The following TTC19 variants were observed in gnomAD, a reference collection of about 807,000 sequenced individuals.
The protein encoded by TTC19 is tetratricopeptide repeat protein 19, mitochondrial.
A neutral mutation model predicts 49.5 loss-of-function variants in TTC19; 38 were observed. The ratio of observed to expected loss-of-function variants is 0.77; its 90% CI spans 0.59 to 1.01. The LOEUF is 1.01. Ranked by LOEUF, TTC19 falls within the 50% of genes least tolerant of loss-of-function variation. TTC19 has a pLI of 0.00. For synonymous variants in TTC19, 204 were observed against 185.2 expected (o/e 1.10, Z -0.83); for missense variants, 475 against 477.7 (o/e 0.99, Z 0.05).
In TTC19 at chr17:16,002,830, A is replaced by AT; in HGVS notation, c.462dup (p.Ala155CysfsTer2). The AT allele has an allele frequency of 6.2e-7, 1 of 1,613,972 alleles. No homozygotes were observed. The highest frequency in any genetic ancestry group is 8.5e-7 in the Non-Finnish European group (1 of 1,179,882). ...GCATTTATACGGGGTCAGCTTGAAA[A>AT]TGTAAGTAAATTGCTTTGTAATATC... On this transcript the variant is annotated frameshift_variant and splice_region_variant, in exon 4 of 10. Coordinates refer to ENST00000261647, the MANE Select transcript of TTC19 (RefSeq NM_017775.4). LOFTEE classifies it high-confidence loss of function.
intron 2 of TTC19, among the ~76,000 whole-genome samples, chr17:16,038,124 T>TA (rs916172145): frequency 1.3e-5 from 2 of 152,152 alleles, no homozygotes; most frequent in African/African-American, 4.8e-5. Context: ...CATAGTGAGA[T>TA]AGATCTTTTG....
At chr17:16,002,920 A>C in intron 4 of TTC19, 89 bp downstream of exon 4, 1 of 1,219,426 alleles carries the variant, frequency 8.2e-7, no homozygotes, top group Non-Finnish European at 1.2e-6. Context: ...AAGCTGCTAT[A>C]ACAAAGAGAC....
chr17:16,022,873 A>C (rs989213411), intron 7 of TTC19, among the ~76,000 whole-genome samples: 2 of 152,192 alleles, frequency 1.3e-5, no homozygotes, highest in Non-Finnish European at 2.9e-5. Flanking sequence ...AGAATCATTT[A>C]TGTTTGAAGA....
At chr17:16,019,505 T>C (rs1971308743) in intron 7 of TTC19, among the ~76,000 whole-genome samples, 1 of 152,256 alleles carries the variant, frequency 6.6e-6, no homozygotes, top group Non-Finnish European at 1.5e-5. Flanking sequence ...CCCTGTTTGC[T>C]TGCCAAACTG....
downstream of TTC19, chr17:16,030,791 CAT>C (rs1229059441): frequency 5.5e-6 from 1 of 182,264 alleles, no homozygotes; most frequent in Non-Finnish European, 1.2e-5. Flanking sequence ...TCATCTGTAA[CAT>C]AGGGATTAGA....
Position 16,026,555 on chromosome 17 carries a change from A to G in TTC19, c.847A>G (p.Ser283Gly). The stretch of plus-strand genomic sequence containing the variant: ...TTACATACAGACCATTGTGCTGATG[A>G]GTGACCTGGCTACTACCCTGGATGC... ...ERHPQTIVLM[S>G]DLATTLDAQG... The change falls in exon 9 of 10, where the codon AGT becomes GGT. Residue 283 changes from serine to glycine, a missense_variant. Coordinates refer to ENST00000261647, the MANE Select transcript of TTC19 (RefSeq NM_017775.4). The G allele has an allele frequency of 3.7e-6, 6 of 1,614,144 alleles. No individual in the cohort carries two copies. Among genetic ancestry groups the G allele is most frequent in the Non-Finnish European group, 5.1e-6 (6 of 1,179,998 alleles).
rs59177775 is a variant in TTC19, at chr17:16,028,818, CAAA to C, written c.*1322_*1324del. The C allele has an allele frequency of 6.8e-3, 666 of 97,810 alleles. No individual in the cohort carries two copies. The highest frequency in any genetic ancestry group is 0.031 in the Middle Eastern group (7 of 228). The allele number at this position is 97,810 out of a possible 1,614,324, so 6.1% of individuals were successfully genotyped here. ...GTATCCCAGTAATCTTTGCATTTCT[CAAA>C]AAAAAAAAAAAAAAAAAAAAAAAAA... is the stretch of plus-strand genomic sequence containing the variant. On this transcript the variant is annotated 3_prime_UTR_variant, in exon 10 of 10. Transcript: ENST00000261647.
At chr17:16,038,659 A>G (rs540691902) in intron 2 of TTC19, among the ~76,000 whole-genome samples, 2 of 152,038 alleles carry the variant, frequency 1.3e-5, no homozygotes, top group East Asian at 3.9e-4. Flanking sequence ...GCTGGTCTCA[A>G]ACTCCTGAGC....
At chr17:16,034,388 A>G (rs1349628524), downstream of TTC19, among the ~76,000 whole-genome samples, 6 of 152,136 alleles carry the variant, frequency 3.9e-5, no homozygotes, top group African/African-American at 7.2e-5. Flanking sequence ...CAGGAGTTCG[A>G]GACCAGCCTG....
intron 6 of TTC19, 50 bp from the exon 7 acceptor site, chr17:16,006,424 A>G (rs774480842): frequency 1.5e-6 from 2 of 1,371,218 alleles, no homozygotes; most frequent in South Asian, 2.3e-5. Context: ...AGAAGGAAGA[A>G]AAAAAAAAGA....
chr17:16,041,504 C>T (rs1478951494), intron 2 of TTC19, among the ~76,000 whole-genome samples: 1 of 147,610 alleles, frequency 6.8e-6, no homozygotes, highest in East Asian at 2.0e-4. Context: ...ACCTCTGCCT[C>T]CTGGGTTCAA....
chr17:16,004,032 C>G (rs755755485), intron 5 of TTC19, 145 bp downstream of exon 5: 3 of 1,143,706 alleles, frequency 2.6e-6, no homozygotes, highest in Non-Finnish European at 3.9e-6. Flanking sequence ...AATTGCCATT[C>G]TTTCACTAAA....
At chr17:16,044,837 G>T in exon 3 of TTC19, 1 of 1,042,646 alleles carries the variant, frequency 9.6e-7, no homozygotes. Flanking sequence ...TCCAGCAGCT[G>T]GTGCTGCACC....
intron 7 of TTC19, among the ~76,000 whole-genome samples, chr17:16,011,102 C>T (rs1971055154): frequency 6.6e-6 from 1 of 152,220 alleles, no homozygotes; most frequent in Non-Finnish European, 1.5e-5. Context: ...CATAAGCTTT[C>T]CCAGTATTCT....
intron 7 of TTC19, among the ~76,000 whole-genome samples, chr17:16,022,016 C>T (rs543684658): frequency 6.6e-6 from 1 of 152,224 alleles, no homozygotes; most frequent in African/African-American, 2.4e-5. Context: ...TCTCCCTGTG[C>T]CTGTGGTCGG....
At chr17:16,009,217 C>T (rs1179574415) in intron 7 of TTC19, among the ~76,000 whole-genome samples, 1 of 152,234 alleles carries the variant, frequency 6.6e-6, no homozygotes, top group East Asian at 1.9e-4. Context: ...CACTTCTGAA[C>T]TATTTACACC....
intron 2 of TTC19, among the ~76,000 whole-genome samples, chr17:16,035,530 C>CTTTT (rs966987249): frequency 5.1e-5 from 6 of 118,328 alleles, no homozygotes; most frequent in Admixed American, 1.7e-4. Flanking sequence ...TTCTCTTGTT[C>CTTTT]TTTTTTTTTT....
intron 2 of TTC19, chr17:16,039,439 G>C: frequency 6.2e-7 from 1 of 1,613,608 alleles, no homozygotes; most frequent in Non-Finnish European, 8.5e-7. Context: ...GTACCTGAAT[G>C]AGGTGATGGG....
At chr17:16,013,464 C>T in intron 7 of TTC19, among the ~76,000 whole-genome samples, 1 of 152,156 alleles carries the variant, frequency 6.6e-6, no homozygotes, top group East Asian at 1.9e-4. Context: ...TGTATGCATT[C>T]TCACTCATCT....
Sources: allele counts gnomAD v4.1 joint callset (sites outside exome capture counted in the v4.1 genomes callset), GRCh38; gene constraint gnomAD v4.1.1; transcripts MANE v1.5; gene names NCBI Gene and HGNC (gene_info 2026-07-23, HGNC 2026-07-21).